The following GPHN variants were observed in gnomAD, a reference collection of about 807,000 sequenced individuals.
GPHN encodes the protein gephyrin.
A neutral mutation model predicts 95.5 loss-of-function variants in GPHN; 17 were observed. The observed-to-expected ratio is 0.18, with a 90% confidence interval of 0.12 to 0.27. The LOEUF (loss-of-function observed/expected upper bound fraction) is 0.27. Ranked by LOEUF, GPHN falls within the 10% of genes least tolerant of loss-of-function variation. GPHN has a pLI of 1.00. For synonymous variants in GPHN, 320 were observed against 322.5 expected, an observed-to-expected ratio of 0.99 and a Z score of 0.08; for missense variants, 660 against 978.1, an observed-to-expected ratio of 0.67 and a Z score of 4.34.
chr14:67,634,617 A>AGGTAGTAAT, the GPHN span, among the ~76,000 whole-genome samples: 1 of 150,370 alleles, frequency 6.7e-6, no homozygotes, highest in African/African-American at 2.4e-5. Flanking sequence ...AAAAGCTAGT[A>AGGTAGTAAT]GGTAGTAATG....
At chr14:67,363,919 T>C in the GPHN span, 1 of 152,208 alleles carries the variant, frequency 6.6e-6, no homozygotes, top group Non-Finnish European at 1.5e-5. Flanking sequence ...CTTCCTTTTT[T>C]AAATATGCTT....
chr14:66,919,947 A>G (rs2066124358), intron 6 of GPHN, among the ~76,000 whole-genome samples: 1 of 152,132 alleles, frequency 6.6e-6, no homozygotes, highest in South Asian at 2.1e-4. Flanking sequence ...GGCACCTGTA[A>G]TCCCAGCTAC....
At chr14:67,266,169 TTTAAAA>T in the GPHN span, among the ~76,000 whole-genome samples, 1 of 152,070 alleles carries the variant, frequency 6.6e-6, no homozygotes, top group Non-Finnish European at 1.5e-5. Flanking sequence ...TGAATATATG[TTTAAAA>T]TTAAAGAAAT....
the GPHN span, among the ~76,000 whole-genome samples, chr14:67,682,406 A>T: frequency 6.6e-6 from 1 of 152,348 alleles, no homozygotes; most frequent in East Asian, 1.9e-4. Context: ...CTTGTAACTC[A>T]ACAATAAAAA....
the GPHN span, chr14:67,386,423 G>A: frequency 6.6e-6 from 1 of 152,188 alleles, no homozygotes; most frequent in African/African-American, 2.4e-5. Flanking sequence ...ATTAAGGGGA[G>A]GTCCAAGCAT....
At chr14:66,556,321 C>T (rs1357220681) in intron 1 of GPHN, among the ~76,000 whole-genome samples, 1 of 152,130 alleles carries the variant, frequency 6.6e-6, no homozygotes, top group East Asian at 1.9e-4. Flanking sequence ...AGTTGATGGT[C>T]AGTACATCAT....
At chr14:67,066,423 G>T (rs1391312645) in intron 11 of GPHN, among the ~76,000 whole-genome samples, 2 of 151,972 alleles carry the variant, frequency 1.3e-5, no homozygotes, top group African/African-American at 4.8e-5. Flanking sequence ...TGTTTTTCTC[G>T]AGGAGTATCT....
At chr14:66,866,129 C>T (rs967634451) in intron 4 of GPHN, among the ~76,000 whole-genome samples, 1 of 152,056 alleles carries the variant, frequency 6.6e-6, no homozygotes, top group East Asian at 1.9e-4. Flanking sequence ...TGCCTGTTGT[C>T]CAAACCTGAA....
At chr14:67,614,585 G>A in the GPHN span, among the ~76,000 whole-genome samples, 1 of 151,594 alleles carries the variant, frequency 6.6e-6, no homozygotes, top group Non-Finnish European at 1.5e-5. Context: ...GCAGCATAAT[G>A]AGAACCCATC....
chr14:67,200,050 G>T, the GPHN span: 1 of 932,568 alleles, frequency 1.1e-6, no homozygotes, highest in Non-Finnish European at 1.6e-6. Flanking sequence ...AGGCTCTGGG[G>T]GACAGCCACC....
chr14:67,512,498 C>T, the GPHN span, among the ~76,000 whole-genome samples: 5 of 152,272 alleles, frequency 3.3e-5, no homozygotes, highest in East Asian at 5.8e-4. Context: ...CAAAAATACA[C>T]CCAGACCACC....
intron 8 of GPHN, among the ~76,000 whole-genome samples, chr14:66,928,952 G>A (rs956532019): frequency 6.6e-6 from 1 of 151,544 alleles, no homozygotes; most frequent in African/African-American, 2.4e-5. Flanking sequence ...AATGATTCGT[G>A]TGCTGAGGAG....
chr14:67,152,011 A>G (rs2081314033), intron 18 of GPHN, among the ~76,000 whole-genome samples: 1 of 152,186 alleles, frequency 6.6e-6, no homozygotes, highest in Non-Finnish European at 1.5e-5. Context: ...GCTCTGTCCA[A>G]TGAATCAATG....
At chr14:66,517,825 A>C (rs1269710698) in intron 1 of GPHN, among the ~76,000 whole-genome samples, 7 of 152,190 alleles carry the variant, frequency 4.6e-5, no homozygotes, top group African/African-American at 1.7e-4. Flanking sequence ...TAAGACAGGA[A>C]ACTATGGAAC....
chr14:67,496,769 T>TCCTCCCTC, the GPHN span, among the ~76,000 whole-genome samples: 56 of 115,302 alleles, frequency 4.9e-4, no homozygotes, highest in East Asian at 0.011. Context: ...CTCCCTCCCT[T>TCCTCCCTC]CCTCCCTCCC....
chr14:67,439,567 TTCTTTCTTTC>T, the GPHN span, among the ~76,000 whole-genome samples: 3 of 125,708 alleles, frequency 2.4e-5, no homozygotes, highest in African/African-American at 1.3e-4. Flanking sequence ...CTTTCTTTCT[TTCTTTCTTTC>T]TTTCTTTCTT....
the GPHN span, chr14:67,586,960 T>A: frequency 6.5e-7 from 1 of 1,542,240 alleles, no homozygotes; most frequent in Non-Finnish European, 8.7e-7. Context: ...GTGGGTATTT[T>A]AAGAGATTAA....
At chr14:67,648,129 G>A in the GPHN span, 91 of 1,613,828 alleles carry the variant, frequency 5.6e-5, no homozygotes, top group Non-Finnish European at 7.5e-5. Flanking sequence ...TCCTGTTGTC[G>A]GGGGACTAAC....
chr14:67,320,404 T>G, the GPHN span: 3 of 1,586,130 alleles, frequency 1.9e-6, no homozygotes, highest in East Asian at 6.8e-5. Context: ...CCTCGTAAGT[T>G]TGAATGCATT....
Sources: allele counts gnomAD v4.1 joint callset (sites outside exome capture counted in the v4.1 genomes callset), GRCh38; gene constraint gnomAD v4.1.1; transcripts MANE v1.5; gene names NCBI Gene and HGNC (gene_info 2026-07-23, HGNC 2026-07-21).